FXYD6: variants seen among roughly 807,000 people sequenced by gnomAD.
FXYD6 encodes FXYD domain containing ion transport regulator 6, also known as FXYD domain-containing ion transport regulator 6.
FXYD6 carries 7 observed loss-of-function variants against 16.7 expected under a neutral mutation model. The observed-to-expected ratio is 0.42, with a 90% CI of 0.24 to 0.79. The LOEUF is 0.79. Among genes scored for constraint, FXYD6 ranks in the 30% least tolerant of loss-of-function variants. The pLI, the probability that FXYD6 is intolerant of heterozygous loss-of-function variation, is 0.28. For missense variants in FXYD6, 111 were observed against 116.2 expected (o/e 0.95, Z 0.21); for synonymous variants, 49 against 43.0 (o/e 1.14, Z -0.54).
chr11:117,845,552 A>C (rs903289831), intron 1 of FXYD6, among the ~76,000 whole-genome samples: 4 of 152,188 alleles, frequency 2.6e-5, no homozygotes, highest in African/African-American at 9.7e-5. Context: ...GCTATAGTGC[A>C]TTCATTTTCA....
intron 1 of FXYD6, among the ~76,000 whole-genome samples, chr11:117,866,144 G>A (rs2134198786): frequency 6.6e-6 from 1 of 152,260 alleles, no homozygotes; most frequent in Admixed American, 6.5e-5. Context: ...CGGGAAGGGG[G>A]GAAATGGGGA....
At chr11:117,868,286 G>A (rs902842765) in intron 1 of FXYD6, among the ~76,000 whole-genome samples, 3 of 152,128 alleles carry the variant, frequency 2.0e-5, no homozygotes, top group African/African-American at 7.2e-5. Flanking sequence ...TGCTGCGTGG[G>A]GGGCATGAAA....
intron 6 of FXYD6, 60 bp from the exon 7 acceptor site, chr11:117,839,890 C>G (rs1228445585): frequency 1.4e-5 from 23 of 1,605,740 alleles, no homozygotes; most frequent in Non-Finnish European, 2.0e-5. Context: ...TGGGCCACCC[C>G]CAACAGCAGC....
At chr11:117,875,889 C>T (rs1300202065) in intron 1 of FXYD6, among the ~76,000 whole-genome samples, 1 of 152,162 alleles carries the variant, frequency 6.6e-6, no homozygotes, top group East Asian at 1.9e-4. Context: ...CCCAACTCTC[C>T]ACGGAAGCCC....
intron 1 of FXYD6, among the ~76,000 whole-genome samples, chr11:117,874,441 G>A (rs1197632196): frequency 3.3e-5 from 5 of 152,178 alleles, no homozygotes; most frequent in Non-Finnish European, 1.5e-5. Context: ...AGCCAGGGGG[G>A]AAGCAGGAAA....
intron 1 of FXYD6, among the ~76,000 whole-genome samples, chr11:117,868,284 G>A (rs924416643): frequency 6.6e-6 from 1 of 152,104 alleles, no homozygotes; most frequent in East Asian, 1.9e-4. Context: ...TGTGCTGCGT[G>A]GGGGGCATGA....
chr11:117,859,601 T>C (rs2056856629), intron 1 of FXYD6, among the ~76,000 whole-genome samples: 2 of 152,334 alleles, frequency 1.3e-5, no homozygotes, highest in Middle Eastern at 3.4e-3. Flanking sequence ...AACCCGATGC[T>C]AACACTGATA....
rs765319791 is a variant in FXYD6 at position 117,838,279 on chromosome 11, TGAG to T, written c.*22-5_*22-3del. ...AGCAGCCGCCTCAGGTTCCAGAGGC[TGAG>T]GAGGAGGATAATTTAAATTAAAAAC... is the stretch of plus-strand genomic sequence containing the variant. On this transcript the variant is annotated splice_polypyrimidine_tract_variant and splice_region_variant and intron_variant, in intron 7 of 7. Transcript: ENST00000526014. 51 of 702,392 alleles carry T rather than the reference TGAG, an allele frequency of 7.3e-5. 1 individual carries two copies. The highest frequency in any genetic ancestry group is 7.2e-4 in the East Asian group (27 of 37,288). 43.5% of individuals were successfully genotyped at this position (702,392 alleles called of 1,614,324 possible).
At chr11:117,838,640 C>A in intron 7 of FXYD6, 1 of 269,568 alleles carries the variant, frequency 3.7e-6, no homozygotes, top group South Asian at 4.8e-5. Flanking sequence ...GATTCTCAGT[C>A]TGTGATGAAA....
At chr11:117,863,710 A>C (rs1488853701) in intron 1 of FXYD6, among the ~76,000 whole-genome samples, 1 of 152,234 alleles carries the variant, frequency 6.6e-6, no homozygotes, top group African/African-American at 2.4e-5. Flanking sequence ...TCTTATACAT[A>C]GAAAACCCTA....
chr11:117,874,704 C>A (rs1214376894), intron 1 of FXYD6, among the ~76,000 whole-genome samples: 3 of 152,358 alleles, frequency 2.0e-5, no homozygotes, highest in South Asian at 2.1e-4. Context: ...CCCAGAGCCT[C>A]AGGCTTTCTC....
chr11:117,868,929 A>G (rs890222372), intron 1 of FXYD6: 18 of 152,222 alleles, frequency 1.2e-4, no homozygotes, highest in African/African-American at 4.1e-4. Context: ...CTGTAACAGG[A>G]GCTGGGCTTC....
chr11:117,842,943 T>C lies in FXYD6; in HGVS notation c.-5-162A>G, dbSNP rs1442822924. On this transcript the variant is annotated intron_variant, in intron 1 of 7. Coordinates refer to ENST00000526014, the MANE Select transcript of FXYD6 (RefSeq NM_022003.4). ...ACCTAAGCACAAGCAGTTGACTTTT[T>C]TTTTTTTTGAGACAGAGTCTCGCTA... Among the ~76,000 whole-genome samples the C allele has an allele frequency of 2.0e-5, 3 of 152,178 alleles. No individual in the cohort carries two copies. The East Asian group carries it at 5.8e-4, about 29-fold the overall frequency.
intron 1 of FXYD6, among the ~76,000 whole-genome samples, chr11:117,864,036 T>C (rs1222997969): frequency 6.6e-6 from 1 of 152,176 alleles, no homozygotes; most frequent in Non-Finnish European, 1.5e-5. Context: ...AAATGATCTA[T>C]AGATTTAATG....
chr11:117,854,336 C>G (rs976682833), intron 1 of FXYD6, among the ~76,000 whole-genome samples: 1 of 152,228 alleles, frequency 6.6e-6, no homozygotes, highest in Non-Finnish European at 1.5e-5. Context: ...TAGGGCTCTT[C>G]CTGCCCCCTG....
At chr11:117,843,357 T>C (rs1178882569) in intron 1 of FXYD6, among the ~76,000 whole-genome samples, 1 of 152,192 alleles carries the variant, frequency 6.6e-6, no homozygotes, top group Non-Finnish European at 1.5e-5. Flanking sequence ...GAGGCTGACA[T>C]GCACCAGAGT....
At chr11:117,867,560 C>A (rs576064402) in intron 1 of FXYD6, among the ~76,000 whole-genome samples, 5 of 152,214 alleles carry the variant, frequency 3.3e-5, no homozygotes, top group Non-Finnish European at 1.5e-5. Context: ...CCCTCCCAAA[C>A]TCAAAGGCAT....
chr11:117,861,349 A>G (rs1433067525), intron 1 of FXYD6, among the ~76,000 whole-genome samples: 1 of 152,204 alleles, frequency 6.6e-6, no homozygotes, highest in African/African-American at 2.4e-5. Context: ...AAGTCGGCCA[A>G]TAGCTGACAG....
chr11:117,873,045 C>T (rs1225184454), intron 1 of FXYD6, among the ~76,000 whole-genome samples: 3 of 152,282 alleles, frequency 2.0e-5, no homozygotes, highest in Admixed American at 1.3e-4. Flanking sequence ...CCCCAACCGC[C>T]GCCCGCCTCC....
Sources: allele counts gnomAD v4.1 joint callset (sites outside exome capture counted in the v4.1 genomes callset), GRCh38; gene constraint gnomAD v4.1.1; transcripts MANE v1.5; gene names NCBI Gene and HGNC (gene_info 2026-07-23, HGNC 2026-07-21).